The following PHF3 variants were observed in gnomAD, a reference collection of about 807,000 sequenced individuals.
The protein encoded by PHF3 is PHD finger protein 3.
A neutral mutation model predicts 178.4 loss-of-function variants in PHF3; 41 were observed. That is an observed-to-expected ratio of 0.23 (90% CI 0.18 to 0.30). The LOEUF (loss-of-function observed/expected upper bound fraction) is 0.30, where lower values mean the gene tolerates loss of function less well. Among genes scored for constraint, PHF3 ranks in the 10% least tolerant of loss-of-function variants. The pLI, the probability that PHF3 is intolerant of heterozygous loss-of-function variation, is 1.00. For synonymous variants in PHF3, 842 were observed against 800.5 expected (o/e 1.05, Z -0.88); for missense variants, 2,346 against 2,398.1 (o/e 0.98, Z 0.45).
rs572811846 is a variant in PHF3, at chr6:63,701,822, A to C, written c.3100-686A>C. On this transcript the variant is annotated intron_variant, in intron 9 of 15. Coordinates refer to ENST00000262043, the MANE Select transcript of PHF3 (RefSeq NM_001370348.2). ...CTCTTCTGCTTTGAAACTGGCTGCG[A>C]GTAACATCTGTATCAGAAAATGCCA... is the stretch of plus-strand genomic sequence containing the variant. 3.3e-5 allele frequency among the ~76,000 whole-genome samples: 5 copies of C among 152,266 alleles called. No homozygotes were observed. The South Asian group carries it at 1.0e-3, about 32-fold the overall frequency.
intron 2 of PHF3, among the ~76,000 whole-genome samples, chr6:63,649,455 A>G (rs1338045940): frequency 2.0e-5 from 3 of 152,202 alleles, no homozygotes; most frequent in African/African-American, 7.2e-5. Context: ...AAAGCTATAG[A>G]CTGTGGCTAT....
intron 11 of PHF3, among the ~76,000 whole-genome samples, chr6:63,705,221 C>G (rs1453237237): frequency 1.3e-5 from 2 of 152,124 alleles, no homozygotes; most frequent in African/African-American, 4.8e-5. Flanking sequence ...ATTAAGAAAC[C>G]TGTTTTAGGT....
At position 63,722,698 on chromosome 6, in the gene PHF3, A is replaced by G. The variant is rs1768451307; in HGVS notation, c.*8990A>G. On this transcript the variant is annotated 3_prime_UTR_variant, in exon 16 of 16. Coordinates refer to ENST00000262043, the MANE Select transcript of PHF3 (RefSeq NM_001370348.2). ...TCCCAACCTTTTTCTTTTCTCATCC[A>G]GGGATATTCGGCATTATGCTACACT... Among the ~76,000 whole-genome samples, 1 of 152,170 alleles carries G rather than the reference A, an allele frequency of 6.6e-6. No homozygotes were observed. The highest frequency in any genetic ancestry group is 6.6e-5 in the Admixed American group (1 of 15,264).
intron 2 of PHF3, among the ~76,000 whole-genome samples, chr6:63,660,479 G>A (rs1765420154): frequency 6.6e-6 from 1 of 152,148 alleles, no homozygotes; most frequent in African/African-American, 2.4e-5. Context: ...TTGAATGTCT[G>A]TTATATGCTA....
Position 63,712,011 on chromosome 6 carries a change from G to T in PHF3, c.4423G>T (p.Gly1475Cys). ...GGATGATATACTTCAAAGCCTTTTG[G>T]GCACCACTGGTCAAGTATATGACCA... Reference protein sequence around the residue: ...PVDDILQSLLGTTGQVYDQAQ... With the variant: ...PVDDILQSLLCTTGQVYDQAQ... Residue 1475 changes from glycine (G) to cysteine (C), a missense_variant, in exon 16 of 16, where the codon GGC becomes TGC. By Grantham distance (159) the Gly-to-Cys change is radical. Transcript: ENST00000262043. 6.2e-7 allele frequency: 1 copy of T among 1,613,618 alleles called. No individual in the cohort carries two copies. Among genetic ancestry groups the T allele is most frequent in the Non-Finnish European group, 8.5e-7 (1 of 1,179,918 alleles).
At position 63,722,952 on chromosome 6, in the gene PHF3, C is replaced by G. The variant is rs1256346471; in HGVS notation, c.*9244C>G. 1.3e-5 allele frequency among the ~76,000 whole-genome samples: 2 copies of G among 152,210 alleles called. No individual in the cohort carries two copies. The highest frequency in any genetic ancestry group is 4.8e-5 in the African/African-American group (2 of 41,456). On this transcript the variant is annotated 3_prime_UTR_variant, in exon 16 of 16. Transcript: ENST00000262043. ...TACATATGTGATATTTGGTTAACAGCTGCTTTATCCACTAGGTTGTAAGCT... is the reference window on the plus strand; with the variant it reads ...TACATATGTGATATTTGGTTAACAGGTGCTTTATCCACTAGGTTGTAAGCT...
At position 63,652,011 on chromosome 6, in the gene PHF3, G is replaced by A. The variant is rs182597785; in HGVS notation, c.244+5216G>A. Among the ~76,000 whole-genome samples, 6 of 152,220 alleles carry A rather than the reference G, an allele frequency of 3.9e-5. No homozygotes were observed. In the East Asian group the frequency reaches 1.2e-3, roughly 29 times the overall value. ...TTGTTAATAGTGCTGTAATAAACAT[G>A]GGAGTGCAGAGATACTGATTTCTTT... is the stretch of plus-strand genomic sequence containing the variant. On this transcript the variant is annotated intron_variant, in intron 2 of 15. Coordinates refer to ENST00000262043, the MANE Select transcript of PHF3 (RefSeq NM_001370348.2).
intron 1 of PHF3, among the ~76,000 whole-genome samples, chr6:63,641,156 G>A: frequency 6.6e-6 from 1 of 152,192 alleles, no homozygotes. Context: ...TTTAAACGAT[G>A]GTATGGGGGC....
chr6:63,672,907 C>G (rs925905464), intron 2 of PHF3, among the ~76,000 whole-genome samples: 2 of 152,104 alleles, frequency 1.3e-5, no homozygotes, highest in South Asian at 4.1e-4. Flanking sequence ...ACCTCACTGC[C>G]GATTTCTGTA....
chr6:63,686,175 G>A (rs1766695397), intron 4 of PHF3: 2 of 407,514 alleles, frequency 4.9e-6, no homozygotes, highest in South Asian at 1.1e-4. Flanking sequence ...TCACAGGTTA[G>A]ACAGTGTAAT....
In PHF3 at chr6:63,713,389, G is replaced by T; in HGVS notation, c.5801G>T (p.Arg1934Leu). The T allele has an allele frequency of 6.2e-7, 1 of 1,613,980 alleles. No homozygotes were observed. Among genetic ancestry groups the T allele is most frequent in the South Asian group, 1.1e-5 (1 of 91,072 alleles). ...GATTCACACCATTTGAAAAGAGAGC[G>T]ACATGAAAAGGAATGGGAGCAAGAA... ...YSDSHHLKRE[R>L]HEKEWEQESE... Residue 1934 changes from arginine to leucine, a missense_variant, in exon 16 of 16, where the codon CGA (arginine) becomes CTA (leucine). Physicochemically the swap from Arg to Leu is moderately radical, Grantham distance 102. This residue lies in a region of PHF3 where 839 missense variants were observed against 806.9 expected (regional missense o/e 1.04). Coordinates refer to ENST00000262043, the MANE Select transcript of PHF3 (RefSeq NM_001370348.2).
rs1211856182 is a variant in PHF3 at position 63,721,047 on chromosome 6, A to G, written c.*7339A>G. On this transcript the variant is annotated 3_prime_UTR_variant, in exon 16 of 16. Coordinates refer to ENST00000262043, the MANE Select transcript of PHF3 (RefSeq NM_001370348.2). The stretch of plus-strand genomic sequence containing the variant: ...ATTTTGAGCTATTCCCATCCATACA[A>G]TTAGACCTTCTGTTTTAGTGGTACT... 6.4e-7 allele frequency: 1 copy of G among 1,551,366 alleles called. No individual in the cohort carries two copies. Among genetic ancestry groups the G allele is most frequent in the Admixed American group, 2.0e-5 (1 of 50,984 alleles).
intron 2 of PHF3, among the ~76,000 whole-genome samples, chr6:63,655,051 G>A (rs891381074): frequency 6.6e-6 from 1 of 151,504 alleles, no homozygotes; most frequent in African/African-American, 2.4e-5. Context: ...GTGCTGCCAC[G>A]CCCTGCTAAT....
chr6:63,706,407 G>A (rs1191506143), intron 12 of PHF3, among the ~76,000 whole-genome samples, 183 bp downstream of exon 12: 1 of 152,182 alleles, frequency 6.6e-6, no homozygotes, highest in Non-Finnish European at 1.5e-5. Flanking sequence ...AGTGTTTTCA[G>A]TGAGAGATTG....
In PHF3 at chr6:63,713,521, A is replaced by G. The variant is rs1488715577; in HGVS notation, c.5933A>G (p.Asp1978Gly). 1 of 1,613,754 alleles carries G rather than the reference A, an allele frequency of 6.2e-7. No homozygotes were observed. Among genetic ancestry groups the G allele is most frequent in the Non-Finnish European group, 8.5e-7 (1 of 1,179,906 alleles). ...DKERARLSHG[D>G]RGTDGKASRD... ...GAGAGGGCACGGTTATCACATGGTG[A>G]TCGAGGAACAGATGGAAAAGCAAGC... The change falls in exon 16 of 16, where the codon GAT (aspartate) becomes GGT (glycine). Residue 1978 changes from aspartate (D) to glycine (G), a missense_variant. Around this residue, in one of 8 missense-constraint regions of PHF3, gnomAD observed 839 missense variants for 806.9 expected, o/e 1.04. Transcript: ENST00000262043.
chr6:63,676,414 A>C (rs1766166876), intron 2 of PHF3, among the ~76,000 whole-genome samples: 1 of 152,230 alleles, frequency 6.6e-6, no homozygotes, highest in Non-Finnish European at 1.5e-5. Context: ...GCTGTTTTGC[A>C]TAAGGTGGTT....
intron 6 of PHF3, among the ~76,000 whole-genome samples, chr6:63,696,271 G>A: frequency 6.6e-6 from 1 of 152,150 alleles, no homozygotes; most frequent in Non-Finnish European, 1.5e-5. Flanking sequence ...CTACAGGAGA[G>A]TTTGACAATG....
rs926158324 is a variant in PHF3, at chr6:63,720,409, T to C, written c.*6701T>C. ...TGAATCAAAATATATACAGATAAAT[T>C]AGATGTAGGAAAAACAATCAGAACC... is the stretch of plus-strand genomic sequence containing the variant. On this transcript the variant is annotated 3_prime_UTR_variant, in exon 16 of 16. Coordinates refer to ENST00000262043, the MANE Select transcript of PHF3 (RefSeq NM_001370348.2). 5.8e-6 allele frequency: 3 copies of C among 518,252 alleles called. No individual in the cohort carries two copies. Among genetic ancestry groups the C allele is most frequent in the African/African-American group, 3.9e-5 (2 of 50,738 alleles). 32.1% of individuals were successfully genotyped at this position (518,252 alleles called of 1,614,324 possible).
intron 6 of PHF3, among the ~76,000 whole-genome samples, chr6:63,697,343 G>C (rs1026208796): frequency 1.3e-5 from 2 of 152,176 alleles, no homozygotes; most frequent in African/African-American, 4.8e-5. Flanking sequence ...AGTTGAGAAG[G>C]AGGTATTGTT....
Sources: gnomAD v4.1 joint callset for allele counts (sites outside exome capture counted in the v4.1 genomes callset) on GRCh38, gnomAD v4.1.1 for gene constraint, gnomAD v4.1.1 regional missense constraint, MANE v1.5 for transcripts, NCBI Gene and HGNC (gene_info 2026-07-23, HGNC 2026-07-21) for gene names.